Variants in ROBO2 observed in about 807,000 individuals in gnomAD.
The protein encoded by ROBO2 is roundabout homolog 2.
ROBO2 carries 53 observed loss-of-function variants against 160.8 expected under a neutral mutation model. The ratio of observed to expected loss-of-function variants is 0.33; its 90% CI spans 0.26 to 0.41. The LOEUF is 0.41. Ranked by LOEUF, ROBO2 falls within the 10% of genes least tolerant of loss-of-function variation. The pLI, the probability that ROBO2 is intolerant of heterozygous loss-of-function variation, is 1.00. For synonymous variants in ROBO2, 664 were observed against 611.7 expected (o/e 1.09, Z -1.26); for missense variants, 1,577 against 1,722.4 (o/e 0.92, Z 1.49).
At chr3:76,083,759 T>C (rs2068917090) in intron 2 of ROBO2, among the ~76,000 whole-genome samples, 1 of 152,176 alleles carries the variant, frequency 6.6e-6, no homozygotes, top group Non-Finnish European at 1.5e-5. Flanking sequence ...TTTTATTCTG[T>C]ATGTTACAAA....
intron 2 of ROBO2, among the ~76,000 whole-genome samples, chr3:76,681,328 T>C (rs1422688217): frequency 6.6e-6 from 1 of 152,104 alleles, no homozygotes; most frequent in Non-Finnish European, 1.5e-5. Context: ...GGCACGGAAA[T>C]AATAATTTTT....
intron 1 of ROBO2, among the ~76,000 whole-genome samples, chr3:77,092,780 G>A (rs1461494597): frequency 6.7e-6 from 1 of 150,132 alleles, no homozygotes; most frequent in Non-Finnish European, 1.5e-5. Context: ...ACATCGCTTA[G>A]TATATCTGTT....
At chr3:77,193,903 T>C (rs2082095891) in intron 2 of ROBO2, among the ~76,000 whole-genome samples, 1 of 152,198 alleles carries the variant, frequency 6.6e-6, no homozygotes. Flanking sequence ...CTACTAGGAA[T>C]TATTTATTTG....
intron 2 of ROBO2, among the ~76,000 whole-genome samples, chr3:77,265,511 G>A (rs551728899): frequency 1.2e-4 from 19 of 152,194 alleles, no homozygotes; most frequent in Admixed American, 6.5e-4. Flanking sequence ...TTGCAGAAAT[G>A]AAATGAAAAT....
At chr3:76,658,514 A>C (rs1025048218) in intron 2 of ROBO2, among the ~76,000 whole-genome samples, 9 of 151,940 alleles carry the variant, frequency 5.9e-5, no homozygotes, top group Admixed American at 5.9e-4. Flanking sequence ...AGGCCCCGGC[A>C]TGTGATGTTC....
At chr3:76,158,771 T>C (rs1355981717) in intron 2 of ROBO2, among the ~76,000 whole-genome samples, 1 of 152,174 alleles carries the variant, frequency 6.6e-6, no homozygotes, top group African/African-American at 2.4e-5. Context: ...CCCTTATTTG[T>C]AGACTCTGGG....
At chr3:77,393,574 A>G (rs1040075462) in intron 2 of ROBO2, among the ~76,000 whole-genome samples, 2 of 148,614 alleles carry the variant, frequency 1.3e-5, no homozygotes, top group Non-Finnish European at 3.0e-5. Context: ...GTATAGTATA[A>G]TTATAATATA....
chr3:77,250,992 C>T (rs1191955856), intron 2 of ROBO2, among the ~76,000 whole-genome samples: 1 of 152,132 alleles, frequency 6.6e-6, no homozygotes, highest in Non-Finnish European at 1.5e-5. Context: ...ACCCCTGGCT[C>T]TCCAGGGTTG....
At position 77,634,862 on chromosome 3, in the gene ROBO2, C is replaced by T. The variant is rs1465719237; in HGVS notation, c.3761-8C>T. On this transcript the variant is annotated splice_region_variant and splice_polypyrimidine_tract_variant and intron_variant, in intron 23 of 25. Coordinates refer to ENST00000461745, the Ensembl canonical transcript of ROBO2. ...CTCTAGAACCCATTCCCTTTATTTT[C>T]ATTTTAGGAAAAGCCTTTACCTCCT... The T allele has an allele frequency of 6.2e-7, 1 of 1,613,728 alleles. No homozygotes were observed. Among genetic ancestry groups the T allele is most frequent in the Non-Finnish European group, 8.5e-7 (1 of 1,179,712 alleles).
chr3:77,518,433 A>C (rs1391962646), intron 5 of ROBO2, among the ~76,000 whole-genome samples: 1 of 151,548 alleles, frequency 6.6e-6, no homozygotes, highest in East Asian at 1.9e-4. Context: ...GATTGTGAGC[A>C]TTTCAATAAC....
intron 2 of ROBO2, among the ~76,000 whole-genome samples, chr3:77,331,060 C>A (rs2119743): frequency 1.3e-5 from 2 of 151,858 alleles, no homozygotes; most frequent in African/African-American, 4.8e-5. Flanking sequence ...GTTGAATTTG[C>A]GAAGAAAAGA....
At chr3:77,539,228 G>T (rs1328240972) in intron 6 of ROBO2, among the ~76,000 whole-genome samples, 1 of 152,102 alleles carries the variant, frequency 6.6e-6, no homozygotes, top group Non-Finnish European at 1.5e-5. Flanking sequence ...GCCTTTTGCA[G>T]GAACTTTTAA....
intron 2 of ROBO2, among the ~76,000 whole-genome samples, chr3:77,394,944 A>G (rs2075122628): frequency 6.6e-6 from 1 of 152,174 alleles, no homozygotes; most frequent in African/African-American, 2.4e-5. Flanking sequence ...TTATTTTAAG[A>G]TCCTGCTTGC....
intron 2 of ROBO2, among the ~76,000 whole-genome samples, chr3:76,565,615 A>G (rs1252814323): frequency 1.3e-5 from 2 of 152,232 alleles, no homozygotes; most frequent in Non-Finnish European, 2.9e-5. Flanking sequence ...TTGTAAACTG[A>G]AAATGAGATA....
intron 2 of ROBO2, among the ~76,000 whole-genome samples, chr3:77,234,534 T>G (rs963238300): frequency 6.6e-6 from 1 of 151,918 alleles, no homozygotes; most frequent in African/African-American, 2.4e-5. Flanking sequence ...ATCCTTGAAA[T>G]GAAAGATGCA....
intron 2 of ROBO2, among the ~76,000 whole-genome samples, chr3:76,853,907 A>C (rs1183207942): frequency 6.6e-6 from 1 of 152,050 alleles, no homozygotes; most frequent in African/African-American, 2.4e-5. Flanking sequence ...TAGAATAAAA[A>C]GTGTGCTGTA....
intron 2 of ROBO2, among the ~76,000 whole-genome samples, chr3:76,256,261 GA>G (rs1706354705): frequency 6.6e-6 from 1 of 150,946 alleles, no homozygotes; most frequent in Non-Finnish European, 1.5e-5. Context: ...AGTGAGCTGT[GA>G]TTGTGCCACT....
chr3:76,974,974 A>G (rs1388503432), intron 2 of ROBO2, among the ~76,000 whole-genome samples: 2 of 152,196 alleles, frequency 1.3e-5, no homozygotes, highest in Admixed American at 1.3e-4. Flanking sequence ...AAAAAATTCC[A>G]TATGATAATA....
At chr3:76,528,011 G>C (rs2082036561) in intron 2 of ROBO2, among the ~76,000 whole-genome samples, 1 of 151,994 alleles carries the variant, frequency 6.6e-6, no homozygotes, top group South Asian at 2.1e-4. Context: ...TGGGGGTGTG[G>C]GGTGCAGAAT....
Sources: gnomAD v4.1 joint callset for allele counts (sites outside exome capture counted in the v4.1 genomes callset) on GRCh38, gnomAD v4.1.1 for gene constraint, MANE v1.5 for transcripts, NCBI Gene and HGNC (gene_info 2026-07-23, HGNC 2026-07-21) for gene names.